Variants in PRKAR1B observed in about 807,000 individuals in gnomAD.
The protein encoded by PRKAR1B is cAMP-dependent protein kinase type I-beta regulatory subunit.
Under a neutral mutation model 46.5 loss-of-function variants are expected in PRKAR1B, and 22 were observed. The ratio of observed to expected loss-of-function variants is 0.47; its 90% CI spans 0.34 to 0.68. PRKAR1B has a LOEUF of 0.68. PRKAR1B is among the 30% of genes least tolerant of loss of function. The probability of loss-of-function intolerance (pLI) is 0.01; values close to 1 mark genes in which losing one functional copy is unlikely to be tolerated. For missense variants in PRKAR1B, 445 were observed against 535.6 expected (o/e 0.83, Z 1.67); for synonymous variants, 259 against 217.7 (o/e 1.19, Z -1.67).
chr7:641,047 G>A (rs1020709238), intron 4 of PRKAR1B, among the ~76,000 whole-genome samples: 2 of 152,114 alleles, frequency 1.3e-5, no homozygotes, highest in Admixed American at 6.5e-5. Flanking sequence ...CCGCCTCCCG[G>A]GTTCACGCCA....
intron 9 of PRKAR1B, among the ~76,000 whole-genome samples, chr7:557,960 G>A (rs1318450408): frequency 6.6e-6 from 1 of 151,050 alleles, no homozygotes; most frequent in Non-Finnish European, 1.5e-5. Flanking sequence ...GCCGTTGTCC[G>A]CAGCAGGGGA....
chr7:709,294 T>C lies in PRKAR1B; in HGVS notation c.177+2035A>G, dbSNP rs557460515. On this transcript the variant is annotated intron_variant, in intron 2 of 10. Transcript: ENST00000537384. Reference sequence around the variant, plus strand: ...ATAACGTGACTGCAACTAAGACTTATGTACGTATGTATCCACGTATGCATG... The same window carrying C: ...ATAACGTGACTGCAACTAAGACTTACGTACGTATGTATCCACGTATGCATG... Among the ~76,000 whole-genome samples the C allele has an allele frequency of 6.6e-5, 10 of 151,810 alleles. No homozygotes were observed. The East Asian group carries it at 1.4e-3, about 21-fold the overall frequency.
chr7:598,147 A>G (rs1781372143), intron 6 of PRKAR1B, among the ~76,000 whole-genome samples: 1 of 151,564 alleles, frequency 6.6e-6, no homozygotes, highest in African/African-American at 2.4e-5. Flanking sequence ...ACTAAACACC[A>G]TCACCCTCCA....
At chr7:684,891 C>A (rs1350378949) in intron 2 of PRKAR1B, among the ~76,000 whole-genome samples, 1 of 151,988 alleles carries the variant, frequency 6.6e-6, no homozygotes, top group Admixed American at 6.6e-5. Context: ...CACACACACA[C>A]ACACACACAC....
chr7:642,187 C>T (rs1784423685), intron 4 of PRKAR1B, among the ~76,000 whole-genome samples: 1 of 152,180 alleles, frequency 6.6e-6, no homozygotes, highest in Non-Finnish European at 1.5e-5. Context: ...TGAGCCACCG[C>T]ACCCACCCGA....
chr7:719,320 A>G (rs1780994413), intron 1 of PRKAR1B, among the ~76,000 whole-genome samples: 1 of 152,044 alleles, frequency 6.6e-6, no homozygotes, highest in African/African-American at 2.4e-5. Context: ...GATTACAGGC[A>G]TGAGCCATTG....
intron 7 of PRKAR1B, among the ~76,000 whole-genome samples, chr7:594,607 A>G (rs980995405): frequency 6.6e-6 from 1 of 152,028 alleles, no homozygotes; most frequent in African/African-American, 2.4e-5. Context: ...TGAGGAGGAG[A>G]CCTGAGGCCA....
rs1334471573 is a variant in PRKAR1B, at chr7:613,597, CGTGA to C, written c.441-6149_441-6146del. ...CTGAAATCACACACGCGGGGTTGAA[CGTGA>C]GTAACTCAGCCCATCGTTCCGCACT... On this transcript the variant is annotated intron_variant, in intron 4 of 10. Transcript: ENST00000537384. Among the ~76,000 whole-genome samples the C allele has an allele frequency of 4.6e-5, 7 of 152,288 alleles. No individual in the cohort carries two copies. In the East Asian group the frequency reaches 1.4e-3, roughly 29 times the overall value.
At chr7:716,465 C>T (rs936753468) in intron 1 of PRKAR1B, among the ~76,000 whole-genome samples, 2 of 152,180 alleles carry the variant, frequency 1.3e-5, no homozygotes, top group Admixed American at 1.3e-4. Flanking sequence ...CAGGGAAATT[C>T]CCTAAGGCGC....
At chr7:551,296 G>T in intron 10 of PRKAR1B, 93 bp downstream of exon 10, 2 of 1,226,644 alleles carry the variant, frequency 1.6e-6, no homozygotes, top group Non-Finnish European at 2.3e-6. Context: ...CCCCAGGGAA[G>T]CCCCCCAGCA....
At chr7:604,796 G>A (rs1781910375) in intron 6 of PRKAR1B, among the ~76,000 whole-genome samples, 2 of 152,196 alleles carry the variant, frequency 1.3e-5, no homozygotes, top group Admixed American at 6.5e-5. Context: ...GGGCAGCCGG[G>A]GGTGGCGTTG....
At chr7:719,346 T>G (rs188324134) in intron 1 of PRKAR1B, among the ~76,000 whole-genome samples, 64 of 152,102 alleles carry the variant, frequency 4.2e-4, no homozygotes, top group African/African-American at 1.2e-3. Flanking sequence ...GGCCATAATT[T>G]TGTATTCTTT....
chr7:628,223 C>A (rs1783524040), intron 4 of PRKAR1B, among the ~76,000 whole-genome samples: 1 of 152,250 alleles, frequency 6.6e-6, no homozygotes, highest in African/African-American at 2.4e-5. Context: ...GCTCTGCGGG[C>A]ACCGGATCTG....
chr7:662,636 C>G (rs139060215), intron 4 of PRKAR1B, among the ~76,000 whole-genome samples: 4 of 150,982 alleles, frequency 2.6e-5, no homozygotes, highest in African/African-American at 9.8e-5. Flanking sequence ...CTACTCTCCC[C>G]GCCATGCCAC....
At chr7:595,737 C>T (rs986852819) in intron 7 of PRKAR1B, among the ~76,000 whole-genome samples, 2 of 152,226 alleles carry the variant, frequency 1.3e-5, no homozygotes, top group Non-Finnish European at 2.9e-5. Flanking sequence ...AGCTAAAAGC[C>T]CAAGAGTCAG....
chr7:674,718 C>G (rs534642650), intron 4 of PRKAR1B, among the ~76,000 whole-genome samples: 2 of 152,212 alleles, frequency 1.3e-5, no homozygotes, highest in East Asian at 3.9e-4. Context: ...CCTAGCTACT[C>G]TAGCTACACC....
intron 4 of PRKAR1B, among the ~76,000 whole-genome samples, chr7:645,503 T>C (rs1784577183): frequency 6.6e-6 from 1 of 152,052 alleles, no homozygotes; most frequent in Admixed American, 6.6e-5. Flanking sequence ...ATAAAAATAA[T>C]TAGCCGGGTG....
At chr7:616,453 G>C (rs1483235991) in intron 4 of PRKAR1B, among the ~76,000 whole-genome samples, 4 of 152,272 alleles carry the variant, frequency 2.6e-5, no homozygotes, top group Non-Finnish European at 4.4e-5. Flanking sequence ...CAGGGGACCA[G>C]CTGGGAAACA....
At chr7:596,607 G>A (rs963211407) in intron 6 of PRKAR1B, among the ~76,000 whole-genome samples, 8 of 152,338 alleles carry the variant, frequency 5.3e-5, no homozygotes, top group African/African-American at 1.4e-4. Context: ...CCCGGCCCCC[G>A]CTCTGCGGCA....
Sources: gnomAD v4.1 joint callset for allele counts (sites outside exome capture counted in the v4.1 genomes callset) on GRCh38, gnomAD v4.1.1 for gene constraint, MANE v1.5 for transcripts, NCBI Gene and HGNC (gene_info 2026-07-23, HGNC 2026-07-21) for gene names.